Variants in WWOX observed in about 807,000 individuals in gnomAD.
The protein encoded by WWOX is WW domain-containing oxidoreductase.
WWOX carries 69 observed loss-of-function variants against 46.2 expected under a neutral mutation model. The ratio of observed to expected loss-of-function variants is 1.49; its 90% CI spans 1.23 to 1.82. The LOEUF is 1.82. WWOX is among the 40% of genes most tolerant of loss of function. The pLI, the probability that WWOX is intolerant of heterozygous loss-of-function variation, is 0.00. For missense variants in WWOX, 919 were observed against 542.6 expected, an observed-to-expected ratio of 1.69 and a Z score of -6.89; for synonymous variants, 359 against 202.6, an observed-to-expected ratio of 1.77 and a Z score of -6.56.
intron 8 of WWOX, among the ~76,000 whole-genome samples, chr16:78,741,747 C>A (rs1300852880): frequency 2.0e-5 from 3 of 152,096 alleles, no homozygotes; most frequent in African/African-American, 7.2e-5. Context: ...CTCAGCTACT[C>A]AGGAGGCTGA....
chr16:78,667,871 C>T (rs2047369409), intron 8 of WWOX, among the ~76,000 whole-genome samples: 1 of 152,028 alleles, frequency 6.6e-6, no homozygotes, highest in Admixed American at 6.5e-5. Flanking sequence ...TTTTTTCCAT[C>T]CCATACCTCT....
chr16:78,169,604 CCTCCTT>C (rs879794462), intron 5 of WWOX, among the ~76,000 whole-genome samples: 2 of 151,734 alleles, frequency 1.3e-5, no homozygotes, highest in Admixed American at 1.3e-4. Context: ...GCTCTGAGTT[CCTCCTT>C]CTTCTGTTTC....
At chr16:79,038,835 C>G (rs1472424756) in intron 8 of WWOX, among the ~76,000 whole-genome samples, 1 of 152,156 alleles carries the variant, frequency 6.6e-6, no homozygotes. Flanking sequence ...CAAGCATGAG[C>G]CACTGTGCCC....
chr16:79,079,416 C>G (rs886464205), intron 8 of WWOX, among the ~76,000 whole-genome samples: 2 of 152,200 alleles, frequency 1.3e-5, no homozygotes. Context: ...ATCCATTCAT[C>G]CATCCATCCA....
At position 79,059,371 on chromosome 16, in the gene WWOX, A is replaced by T. The variant is rs61557390; in HGVS notation, c.1057-152237A>T. Among the ~76,000 whole-genome samples the T allele has an allele frequency of 1.1e-3, 170 of 152,372 alleles. 1 individual carries two copies. Among genetic ancestry groups the T allele is most frequent in the Middle Eastern group, 3.4e-3 (1 of 294 alleles). ...CTACCTGTTCTCAAACACTTTAACA[A>T]TCAGCTCACCAATATGGGTGTGATC... On this transcript the variant is annotated intron_variant, in intron 8 of 8. Transcript: ENST00000566780.
chr16:78,314,765 T>C (rs2080328014), intron 5 of WWOX, among the ~76,000 whole-genome samples: 1 of 147,032 alleles, frequency 6.8e-6, no homozygotes, highest in Admixed American at 6.9e-5. Context: ...TTGGCCTGGT[T>C]GGTCTCAATG....
At chr16:78,537,988 C>T (rs1405823924) in intron 8 of WWOX, among the ~76,000 whole-genome samples, 1 of 151,868 alleles carries the variant, frequency 6.6e-6, no homozygotes, top group Non-Finnish European at 1.5e-5. Context: ...TTCACCTTTC[C>T]CCGATTCTTG....
chr16:78,413,551 G>C (rs773277662), intron 6 of WWOX, among the ~76,000 whole-genome samples: 1 of 152,082 alleles, frequency 6.6e-6, no homozygotes, highest in African/African-American at 2.4e-5. Context: ...TGATCAGTTA[G>C]GTAGGGACAG....
intron 8 of WWOX, among the ~76,000 whole-genome samples, chr16:78,978,017 C>G (rs934343432): frequency 6.6e-6 from 1 of 152,184 alleles, no homozygotes; most frequent in Non-Finnish European, 1.5e-5. Context: ...CAATAAAAGT[C>G]TGTACCAATT....
At chr16:78,321,362 ATATATATACGTATATATGCG>A (rs2080474310) in intron 5 of WWOX, among the ~76,000 whole-genome samples, 4 of 58,604 alleles carry the variant, frequency 6.8e-5, no homozygotes, top group Non-Finnish European at 9.6e-5. Flanking sequence ...ATATATGCGT[ATATATATACGTATATATGCG>A]TATATATATA....
chr16:78,358,194 G>A (rs904730748), intron 5 of WWOX, among the ~76,000 whole-genome samples: 4 of 151,958 alleles, frequency 2.6e-5, no homozygotes, highest in Non-Finnish European at 5.9e-5. Flanking sequence ...TTCTCCTATC[G>A]AAAGATAACC....
At chr16:78,987,019 C>G (rs1597241427) in intron 8 of WWOX, among the ~76,000 whole-genome samples, 1 of 152,028 alleles carries the variant, frequency 6.6e-6, no homozygotes, top group South Asian at 2.1e-4. Flanking sequence ...TCAGAGGAGG[C>G]TGGCTGGGGA....
At chr16:78,316,394 G>A (rs553805777) in intron 5 of WWOX, among the ~76,000 whole-genome samples, 11 of 152,260 alleles carry the variant, frequency 7.2e-5, no homozygotes, top group African/African-American at 1.9e-4. Flanking sequence ...GGGCTGGGGT[G>A]CAATGGCGTG....
intron 8 of WWOX, among the ~76,000 whole-genome samples, chr16:79,146,007 C>T (rs1432653844): frequency 6.6e-6 from 1 of 152,130 alleles, no homozygotes. Flanking sequence ...AAAAGCTCAG[C>T]TGTGAATTAA....
At chr16:78,199,195 C>G (rs2036152273) in intron 5 of WWOX, among the ~76,000 whole-genome samples, 1 of 152,100 alleles carries the variant, frequency 6.6e-6, no homozygotes, top group Non-Finnish European at 1.5e-5. Context: ...TGCCTGTAAT[C>G]CAAGCTACTC....
chr16:78,505,507 G>T (rs979000343), intron 8 of WWOX, among the ~76,000 whole-genome samples: 1 of 152,134 alleles, frequency 6.6e-6, no homozygotes, highest in Non-Finnish European at 1.5e-5. Context: ...GGCAGCCCAG[G>T]GAGACTGTTC....
chr16:79,209,635 A>G (rs1311321590), intron 8 of WWOX, among the ~76,000 whole-genome samples: 1 of 152,214 alleles, frequency 6.6e-6, no homozygotes, highest in Non-Finnish European at 1.5e-5. Context: ...AATATATGAC[A>G]GATATCTGGA....
At chr16:78,861,083 G>C (rs1597734485) in intron 8 of WWOX, among the ~76,000 whole-genome samples, 1 of 152,160 alleles carries the variant, frequency 6.6e-6, no homozygotes, top group South Asian at 2.1e-4. Context: ...GCCTCCCAAA[G>C]TGTTGGGATT....
At chr16:78,327,648 T>G (rs1357558001) in intron 5 of WWOX, among the ~76,000 whole-genome samples, 5 of 152,186 alleles carry the variant, frequency 3.3e-5, no homozygotes, top group Non-Finnish European at 2.9e-5. Context: ...CTATTTTTAT[T>G]TAAAAATTTT....
Sources: allele counts gnomAD v4.1 joint callset (sites outside exome capture counted in the v4.1 genomes callset), GRCh38; gene constraint gnomAD v4.1.1; transcripts MANE v1.5; gene names NCBI Gene and HGNC (gene_info 2026-07-23, HGNC 2026-07-21).